The following TMEM131 variants were observed in gnomAD, a reference collection of about 807,000 sequenced individuals.
TMEM131 encodes 2610524E03Rik.
In TMEM131, 66 loss-of-function variants were observed where a neutral mutation model predicts 211.6. That is an observed-to-expected ratio of 0.31 (90% CI 0.26 to 0.38). The LOEUF (loss-of-function observed/expected upper bound fraction) is 0.38. TMEM131 is among the 10% of genes least tolerant of loss of function. The pLI, the probability that TMEM131 is intolerant of heterozygous loss-of-function variation, is 1.00. For missense variants in TMEM131, 2,036 were observed against 2,299.3 expected, an observed-to-expected ratio of 0.89 and a Z score of 2.34; for synonymous variants, 844 against 841.3, an observed-to-expected ratio of 1.00 and a Z score of -0.06.
chr2:97,779,360 A>G (rs1679886611), intron 31 of TMEM131, among the ~76,000 whole-genome samples: 1 of 152,226 alleles, frequency 6.6e-6, no homozygotes, highest in African/African-American at 2.4e-5. Context: ...GCCGACGTCT[A>G]GCTGCAGGCA....
intron 5 of TMEM131, among the ~76,000 whole-genome samples, chr2:97,848,156 A>G (rs528631740): frequency 1.3e-5 from 2 of 152,246 alleles, no homozygotes; most frequent in Non-Finnish European, 2.9e-5. Flanking sequence ...ACTCACACAT[A>G]CAAGGTCAAC....
intron 31 of TMEM131, among the ~76,000 whole-genome samples, chr2:97,784,450 A>G (rs1302935704): frequency 6.6e-6 from 1 of 152,132 alleles, no homozygotes; most frequent in African/African-American, 2.4e-5. Context: ...TAACAGAAAG[A>G]TAGGAAAAGT....
At chr2:97,896,997 C>G (rs577276081) in intron 3 of TMEM131, among the ~76,000 whole-genome samples, 1 of 69,644 alleles carries the variant, frequency 1.4e-5, no homozygotes, top group South Asian at 2.3e-4. Flanking sequence ...TCTAGGAGTT[C>G]TTTAATTACT....
chr2:97,902,898 C>T (rs1055700037), intron 3 of TMEM131, among the ~76,000 whole-genome samples: 1 of 152,198 alleles, frequency 6.6e-6, no homozygotes, highest in African/African-American at 2.4e-5. Flanking sequence ...CCCTTGAACG[C>T]TGGACTCCCA....
rs138921657 is a variant in TMEM131, at chr2:97,982,084, C to A, written c.187+13392G>T. On this transcript the variant is annotated intron_variant, in intron 1 of 40. Transcript: ENST00000186436. ...ATAACTGTGGGTCATACAGTAACTCCGTATTTTCAGGACCTACCAAACTGT... is the reference window on the plus strand; with the variant it reads ...ATAACTGTGGGTCATACAGTAACTCAGTATTTTCAGGACCTACCAAACTGT... 2.6e-5 allele frequency among the ~76,000 whole-genome samples: 4 copies of A among 152,254 alleles called. No homozygotes were observed. The East Asian group carries it at 7.7e-4, about 29-fold the overall frequency.
chr2:97,884,064 T>C (rs1227359743), intron 4 of TMEM131, among the ~76,000 whole-genome samples: 1 of 152,214 alleles, frequency 6.6e-6, no homozygotes, highest in Non-Finnish European at 1.5e-5. Flanking sequence ...TATTGTTATA[T>C]AAATTTGCCT....
chr2:97,902,009 C>T (rs1396943666), intron 3 of TMEM131, among the ~76,000 whole-genome samples: 6 of 152,070 alleles, frequency 3.9e-5, no homozygotes, highest in Non-Finnish European at 8.8e-5. Flanking sequence ...TCCTAAACAC[C>T]CTGATTTGAT....
At chr2:97,990,871 T>C (rs1355158804) in intron 1 of TMEM131, among the ~76,000 whole-genome samples, 5 of 152,160 alleles carry the variant, frequency 3.3e-5, no homozygotes, top group Non-Finnish European at 5.9e-5. Context: ...AAACAAAAAT[T>C]TGTGCATGAA....
chr2:97,902,898 C>G (rs1055700037), intron 3 of TMEM131, among the ~76,000 whole-genome samples: 3 of 152,198 alleles, frequency 2.0e-5, no homozygotes, highest in Non-Finnish European at 4.4e-5. Context: ...CCCTTGAACG[C>G]TGGACTCCCA....
Position 97,756,880 on chromosome 2 carries a change from CTT to C in TMEM131, c.*217_*218del. 2.0e-6 allele frequency: 1 copy of C among 508,894 alleles called. No homozygotes were observed. The allele number at this position is 508,894 out of a possible 1,614,324, so 31.5% of individuals were successfully genotyped here. On this transcript the variant is annotated 3_prime_UTR_variant, in exon 41 of 41. Coordinates refer to ENST00000186436, the MANE Select transcript of TMEM131 (RefSeq NM_015348.2). The stretch of plus-strand genomic sequence containing the variant: ...ATTAGAGTTTGTGGCTGAGTCCAGA[CTT>C]TTCTCTAAAAGCACAACAGCAAATC...
At chr2:97,950,321 T>C (rs1678250097) in intron 1 of TMEM131, among the ~76,000 whole-genome samples, 1 of 152,270 alleles carries the variant, frequency 6.6e-6, no homozygotes, top group Non-Finnish European at 1.5e-5. Flanking sequence ...TTTAAAAAGC[T>C]ACGTACCTAA....
chr2:97,785,872 A>G (rs569363629), intron 31 of TMEM131, among the ~76,000 whole-genome samples: 1 of 152,346 alleles, frequency 6.6e-6, no homozygotes, highest in South Asian at 2.1e-4. Context: ...CAGAGAATTA[A>G]ACTGACTCAG....
chr2:97,834,067 C>G (rs1216759147), intron 10 of TMEM131, among the ~76,000 whole-genome samples: 1 of 152,174 alleles, frequency 6.6e-6, no homozygotes, highest in Non-Finnish European at 1.5e-5. Context: ...AATATACTAA[C>G]AGCAAATCTA....
At chr2:97,883,611 A>G (rs1229310153) in intron 4 of TMEM131, among the ~76,000 whole-genome samples, 1 of 152,202 alleles carries the variant, frequency 6.6e-6, no homozygotes, top group African/African-American at 2.4e-5. Context: ...TATTCTGTAT[A>G]TCCTTCCATT....
At position 97,802,656 on chromosome 2, in the gene TMEM131, G is replaced by A; in HGVS notation, c.2537C>T (p.Ser846Phe). 1 of 1,612,374 alleles carries A rather than the reference G, an allele frequency of 6.2e-7. No individual in the cohort carries two copies. Among genetic ancestry groups the A allele is most frequent in the Non-Finnish European group, 8.5e-7 (1 of 1,179,074 alleles). ...AATGTCACTTTGAATACTTACTGAG[G>A]AGCAGTTTGTATTAGTAAGTGGAAA... ...LKFPLTNTNC[S>F]SEEEITLENP... The change falls in exon 23 of 41, where the codon TCC becomes TTC. Residue 846 changes from serine (S) to phenylalanine (F), a missense_variant. By Grantham distance (155) the Ser-to-Phe change is radical. This residue lies in a region of TMEM131 where 1,623 missense variants were observed against 1,805.9 expected (regional missense o/e 0.90). Transcript: ENST00000186436.
At chr2:97,805,757 A>G (rs1681266697) in intron 19 of TMEM131, 54 bp from the exon 20 acceptor site, 1 of 1,489,078 alleles carries the variant, frequency 6.7e-7, no homozygotes, top group South Asian at 1.4e-5. Flanking sequence ...AATTTTCTTA[A>G]GATCACAAGT....
intron 1 of TMEM131, among the ~76,000 whole-genome samples, chr2:97,984,647 A>G (rs1213140553): frequency 6.6e-6 from 1 of 151,756 alleles, no homozygotes; most frequent in Non-Finnish European, 1.5e-5. Context: ...GTGAGAACTT[A>G]GTTCCCCATC....
chr2:97,994,344 C>T (rs992459637), intron 1 of TMEM131, among the ~76,000 whole-genome samples: 1 of 152,192 alleles, frequency 6.6e-6, no homozygotes, highest in Non-Finnish European at 1.5e-5. Context: ...CCAATGTTAA[C>T]TCAGACTAAG....
chr2:97,976,509 A>C (rs1679542529), intron 1 of TMEM131, among the ~76,000 whole-genome samples: 1 of 152,184 alleles, frequency 6.6e-6, no homozygotes, highest in Admixed American at 6.5e-5. Context: ...TACATTAAAG[A>C]CCTAAATAAA....
Sources: allele counts gnomAD v4.1 joint callset (sites outside exome capture counted in the v4.1 genomes callset), GRCh38; gene constraint gnomAD v4.1.1; regional missense constraint gnomAD v4.1.1; transcripts MANE v1.5; gene names NCBI Gene and HGNC (gene_info 2026-07-23, HGNC 2026-07-21).